TRPM2: variants seen among roughly 807,000 people sequenced by gnomAD.
The protein encoded by TRPM2 is estrogen-responsive element-associated gene 1 protein.
Under a neutral mutation model 174.0 loss-of-function variants are expected in TRPM2, and 161 were observed. That is an observed-to-expected ratio of 0.93 (90% CI 0.81 to 1.05). The LOEUF is 1.05. TRPM2 is among the 50% of genes least tolerant of loss of function. The pLI, the probability that TRPM2 is intolerant of heterozygous loss-of-function variation, is 0.00. For missense variants in TRPM2, 2,057 were observed against 2,038.0 expected (o/e 1.01, Z -0.18); for synonymous variants, 954 against 861.3 (o/e 1.11, Z -1.88).
At chr21:44,409,349 C>T (rs570415296) in intron 19 of TRPM2, among the ~76,000 whole-genome samples, 25 of 152,262 alleles carry the variant, frequency 1.6e-4, no homozygotes, top group African/African-American at 5.5e-4. Context: ...CTGTTGTTTC[C>T]CCAGTGAAGC....
chr21:44,410,057 G>GTAGCCTTGTAGTAAGTTTTGACCGCA (rs2050048227), intron 19 of TRPM2, among the ~76,000 whole-genome samples: 2 of 114,150 alleles, frequency 1.8e-5, no homozygotes, highest in African/African-American at 6.4e-5. Context: ...TTTTGATCGC[G>GTAGCCTTGTAGTAAGTTTTGACCGCA]CTGTCTTGGT....
In TRPM2 at chr21:44,400,309, G is replaced by A; in HGVS notation, c.2259G>A (p.Leu753=). The A allele has an allele frequency of 6.2e-7, 1 of 1,612,962 alleles. No homozygotes were observed. The highest frequency in any genetic ancestry group is 1.3e-5 in the African/African-American group (1 of 75,054). Residue 753 remains leucine, a synonymous_variant, in exon 15 of 32, where the codon CTG becomes CTA. Coordinates refer to ENST00000397928, the MANE Select transcript of TRPM2 (RefSeq NM_003307.4). The part of the protein sequence containing the change: ...WWGQLSVDNG[L]WRVTLCMLAF... ...GCCAGCTCTCCGTGGACAATGGGCT[G>A]TGGCGTGTGACCCTGTGCATGCTGG... is the stretch of plus-strand genomic sequence containing the variant.
chr21:44,391,183 C>T lies in TRPM2; in HGVS notation c.1441-89C>T. 6.5e-7 allele frequency: 1 copy of T among 1,529,840 alleles called. No homozygotes were observed. The highest frequency in any genetic ancestry group is 8.9e-7 in the Non-Finnish European group (1 of 1,123,462). The allele number at this position is 1,529,840 out of a possible 1,614,324, so 94.8% of individuals were successfully genotyped here. On this transcript the variant is annotated intron_variant, in intron 10 of 31. Transcript: ENST00000397928. This position sits in a 1 kb window ranked among gnomAD's most constrained non-coding sequence, Gnocchi z 5.0. Reference sequence around the variant, plus strand: ...TTCATCCTCCCCAGGTTGGGGACAACAGCAGCCCCCATCTCCAGGGTCTTT... The same window carrying T: ...TTCATCCTCCCCAGGTTGGGGACAATAGCAGCCCCCATCTCCAGGGTCTTT...
intron 2 of TRPM2, among the ~76,000 whole-genome samples, chr21:44,358,118 G>A (rs1007945256): frequency 2.0e-5 from 3 of 152,086 alleles, no homozygotes; most frequent in South Asian, 2.1e-4. Context: ...GGAGCCCCTC[G>A]ACACCCGCCC....
rs1569088158 is a variant in TRPM2, at chr21:44,413,941, A to C, written c.3013A>C (p.Lys1005Gln). The C allele has an allele frequency of 6.2e-7, 1 of 1,613,876 alleles. No individual in the cohort carries two copies. The change falls in exon 20 of 32, where the codon AAG (lysine) becomes CAG (glutamine). Residue 1005 changes from lysine to glutamine, a missense_variant. Physicochemically the swap from Lys to Gln is moderately conservative, Grantham distance 53. Transcript: ENST00000397928. Reference protein sequence around the residue: ...HCSPNGTDPYKPKCPESDATQ... With the variant: ...HCSPNGTDPYQPKCPESDATQ... ...CAGCCCCAATGGCACCGACCCCTAC[A>C]AGCCTAAGTGCCCCGAGAGCGACGC...
At chr21:44,360,886 T>C (rs1448342067) in intron 2 of TRPM2, among the ~76,000 whole-genome samples, 1 of 151,524 alleles carries the variant, frequency 6.6e-6, no homozygotes, top group Non-Finnish European at 1.5e-5. Flanking sequence ...TTTTCACATG[T>C]GTATTTGTGT....
chr21:44,370,876 G>A (rs1030458393), intron 5 of TRPM2, among the ~76,000 whole-genome samples: 4 of 152,254 alleles, frequency 2.6e-5, no homozygotes, highest in Non-Finnish European at 5.9e-5. Context: ...ACGACTTCCC[G>A]TGACACCACT....
Position 44,399,531 on chromosome 21 carries a change from C to T in TRPM2, c.2208+90C>T. The T allele has an allele frequency of 6.7e-7, 1 of 1,486,520 alleles. No homozygotes were observed. Among genetic ancestry groups the T allele is most frequent in the Non-Finnish European group, 9.0e-7 (1 of 1,113,224 alleles). 92.1% of individuals were successfully genotyped at this position (1,486,520 alleles called of 1,614,324 possible). ...CCTGTTCGTGCAGTTGGCACGCACA[C>T]TCACACAGGCTTCAGGGCCCTCAGC... On this transcript the variant is annotated intron_variant, in intron 14 of 31. Transcript: ENST00000397928. The surrounding 1 kb of genome is among the most constrained non-coding windows in gnomAD (Gnocchi z 4.6).
Position 44,418,083 on chromosome 21 carries a change from T to G in TRPM2, c.3303T>G (p.Thr1101=), listed in dbSNP as rs2050377472. 6.2e-7 allele frequency: 1 copy of G among 1,612,298 alleles called. No individual in the cohort carries two copies. The highest frequency in any genetic ancestry group is 1.3e-5 in the African/African-American group (1 of 74,904). ...TCATCAAGAGGGTGGTCCTGAAGAC[T>G]CCGGCCAAGAGGCACAAGCAGCTCA... is the stretch of plus-strand genomic sequence containing the variant. ...QLFIKRVVLK[T]PAKRHKQLKN... Residue 1101 remains threonine (T), a synonymous_variant, in exon 21 of 32, where the codon ACT becomes ACG. Coordinates refer to ENST00000397928, the MANE Select transcript of TRPM2 (RefSeq NM_003307.4).
At position 44,405,904 on chromosome 21, in the gene TRPM2, G is replaced by T; in HGVS notation, c.2658-1G>T. The stretch of plus-strand genomic sequence containing the variant: ...TGTGTGTGCTTCTGCCCGGCGGCCA[G>T]GCTCATCCCGGCGACGCTGTACCCC... On this transcript the variant is annotated splice_acceptor_variant, in intron 17 of 31. Coordinates refer to ENST00000397928, the MANE Select transcript of TRPM2 (RefSeq NM_003307.4). LOFTEE classifies it high-confidence loss of function. 6.2e-7 allele frequency: 1 copy of T among 1,601,950 alleles called. No homozygotes were observed.
rs1485230472 is a variant in TRPM2, at chr21:44,375,884, A to G, written c.823A>G (p.Thr275Ala). ...GGATGAGGATGGCCAAGGGAACCTG[A>G]CCTGCCTAGACAGCAACCACTCTCA... ...ILDEDGQGNL[T>A]CLDSNHSHFI... The change falls in exon 6 of 32, where the codon ACC becomes GCC. Residue 275 changes from threonine (T) to alanine (A), a missense_variant. Coordinates refer to ENST00000397928, the MANE Select transcript of TRPM2 (RefSeq NM_003307.4). 1 of 1,613,990 alleles carries G rather than the reference A, an allele frequency of 6.2e-7. No individual in the cohort carries two copies. The highest frequency in any genetic ancestry group is 1.1e-5 in the South Asian group (1 of 91,078).
intron 25 of TRPM2, 87 bp downstream of exon 25, chr21:44,425,914 A>G: frequency 5.8e-6 from 8 of 1,377,070 alleles, no homozygotes; most frequent in Middle Eastern, 2.8e-4. Context: ...TCTGGTATTA[A>G]TCCTGGCTCC....
chr21:44,397,623 G>A (rs1283113925), intron 12 of TRPM2, 124 bp from the exon 13 acceptor site: 2 of 1,075,604 alleles, frequency 1.9e-6, no homozygotes, highest in Admixed American at 3.3e-5. Flanking sequence ...GTCACACACA[G>A]TGATTGCCCA....
chr21:44,403,828 C>T (rs1449636759), intron 16 of TRPM2, among the ~76,000 whole-genome samples: 2 of 151,954 alleles, frequency 1.3e-5, no homozygotes, highest in African/African-American at 4.8e-5. Context: ...CATGCACACA[C>T]ATGCATACAC....
chr21:44,411,908 C>T (rs1454957796), intron 19 of TRPM2, among the ~76,000 whole-genome samples: 2 of 152,098 alleles, frequency 1.3e-5, no homozygotes, highest in African/African-American at 2.4e-5. Flanking sequence ...AATTGACCTT[C>T]GAATGTTAAA....
At position 44,364,136 on chromosome 21, in the gene TRPM2, T is replaced by A; in HGVS notation, c.277T>A (p.Tyr93Asn). 6.2e-7 allele frequency: 1 copy of A among 1,614,050 alleles called. No homozygotes were observed. Among genetic ancestry groups the A allele is most frequent in the Non-Finnish European group, 8.5e-7 (1 of 1,179,962 alleles). ...DAGKVVCQCGYTHEQHLEEAT... is the reference protein window; with the variant it reads ...DAGKVVCQCGNTHEQHLEEAT... ...CAGGAAGGTGGTGTGTCAGTGTGGC[T>A]ACACGCATGAGCAGCACTTGGAGGA... is the stretch of plus-strand genomic sequence containing the variant. The change falls in exon 3 of 32, where the codon TAC (tyrosine) becomes AAC (asparagine). Residue 93 changes from tyrosine (Y) to asparagine (N), a missense_variant. Transcript: ENST00000397928.
In TRPM2 at chr21:44,432,455, C is replaced by A. The variant is rs2146401811; in HGVS notation, c.3975-2676C>A. Among the ~76,000 whole-genome samples the A allele has an allele frequency of 6.6e-6, 1 of 152,324 alleles. No individual in the cohort carries two copies. Among genetic ancestry groups the A allele is most frequent in the African/African-American group, 2.4e-5 (1 of 41,564 alleles). ...CATCTTAACTAATTACACCTGCAGA[C>A]ACTATTTCTGAACAAGGCCAGATTC... On this transcript the variant is annotated intron_variant, in intron 27 of 31. Transcript: ENST00000397928. The surrounding 1 kb of genome is among the most constrained non-coding windows in gnomAD (Gnocchi z 4.9).
chr21:44,418,101 GCAGCT>G lies in TRPM2; in HGVS notation c.3325_3328+1del. Reference sequence around the variant, plus strand: ...TGAAGACTCCGGCCAAGAGGCACAAGCAGCTCAGTATGCCAGCCCCAGTGCCTCTC... The same window carrying G: ...TGAAGACTCCGGCCAAGAGGCACAAGCAGTATGCCAGCCCCAGTGCCTCTC... On this transcript the variant is annotated frameshift_variant and splice_region_variant, in exon 21 of 32. Transcript: ENST00000397928. LOFTEE classifies it high-confidence loss of function. 1 of 1,611,100 alleles carries G rather than the reference GCAGCT, an allele frequency of 6.2e-7. No individual in the cohort carries two copies. The highest frequency in any genetic ancestry group is 8.5e-7 in the Non-Finnish European group (1 of 1,179,182).
chr21:44,440,768 TACCC>T lies in TRPM2; in HGVS notation c.4270-20_4270-17del. The T allele has an allele frequency of 6.2e-7, 1 of 1,609,308 alleles. No individual in the cohort carries two copies. The highest frequency in any genetic ancestry group is 1.7e-5 in the Admixed American group (1 of 59,950). The stretch of plus-strand genomic sequence containing the variant: ...CTCAGGTGTCCCTCGCTGTCGGGCT[TACCC>T]TGCCCTGCCCATCCAGGTGTACAAA... On this transcript the variant is annotated splice_polypyrimidine_tract_variant and intron_variant, in intron 30 of 31. Transcript: ENST00000397928.
Sources: gnomAD v4.1 joint callset for allele counts (sites outside exome capture counted in the v4.1 genomes callset) on GRCh38, gnomAD v4.1.1 for gene constraint, Gnocchi (gnomAD v3.1) non-coding constraint, MANE v1.5 for transcripts, NCBI Gene and HGNC (gene_info 2026-07-23, HGNC 2026-07-21) for gene names.